Variants in FST observed in about 807,000 individuals in gnomAD.
FST encodes the protein follistatin.
A neutral mutation model predicts 38.4 loss-of-function variants in FST; 6 were observed. The observed-to-expected ratio is 0.16, with a 90% confidence interval of 0.09 to 0.31. FST has a LOEUF of 0.31. Among genes scored for constraint, FST ranks in the 10% least tolerant of loss-of-function variants. The probability of loss-of-function intolerance (pLI) is 1.00; values close to 1 mark genes in which losing one functional copy is unlikely to be tolerated. For synonymous variants in FST, 157 were observed against 169.8 expected (o/e 0.92, Z 0.59); for missense variants, 301 against 432.3 (o/e 0.70, Z 2.69).
intron 4 of FST, among the ~76,000 whole-genome samples, chr5:53,484,559 A>T (rs1747434348): frequency 6.6e-6 from 1 of 152,192 alleles, no homozygotes. Context: ...AATTTTACAC[A>T]TTTTTTTAAG....
Position 53,483,823 on chromosome 5 carries a change from C to T in FST, c.496+101C>T, listed in dbSNP as rs1747387747. ...GACCCTTGGGGGATGGTGTAGTCCG[C>T]AGTAAGAGCCTGATAATAGTAATAC... On this transcript the variant is annotated intron_variant, in intron 3 of 5. Coordinates refer to ENST00000256759, the MANE Select transcript of FST (RefSeq NM_013409.3). The surrounding 1 kb of genome is among the most constrained non-coding windows in gnomAD (Gnocchi z 4.1). The T allele has an allele frequency of 1.2e-6, 1 of 806,482 alleles. No homozygotes were observed. Among genetic ancestry groups the T allele is most frequent in the Middle Eastern group, 2.4e-4 (1 of 4,204 alleles). 50.0% of individuals were successfully genotyped at this position (806,482 alleles called of 1,614,324 possible). A position where few individuals can be genotyped will look rare whatever the true frequency, so the allele number is the denominator to read the frequency against.
At chr5:53,482,281 TTC>T (rs1474307858) in intron 1 of FST, among the ~76,000 whole-genome samples, 2 of 151,926 alleles carry the variant, frequency 1.3e-5, no homozygotes, top group Non-Finnish European at 2.9e-5. Flanking sequence ...TTTTCTTTCT[TTC>T]TCTTTCTTTT....
At chr5:53,485,633 A>G in intron 5 of FST, 2 of 1,103,506 alleles carry the variant, frequency 1.8e-6, no homozygotes, top group Non-Finnish European at 2.8e-6. Flanking sequence ...CTCTGAATTA[A>G]GGACCCAAAG....
chr5:53,483,064 C>G lies in FST; in HGVS notation c.270C>G (p.Pro90=), dbSNP rs187224046. Residue 90 remains proline (P), a synonymous_variant, in exon 2 of 6, where the codon CCC becomes CCG. Transcript: ENST00000256759. This position sits in a 1 kb window ranked among gnomAD's most constrained non-coding sequence, Gnocchi z 4.1. ...IFNGGAPNCI[P]CKETCENVDC... ...ACGGGGGCGCCCCCAACTGCATCCC[C>G]TGTAAAGGTAGGACTCCTTCTTCCC... 3.0e-5 allele frequency: 49 copies of G among 1,610,760 alleles called. No homozygotes were observed. The East Asian group carries it at 8.5e-4, about 28-fold the overall frequency.
chr5:53,483,229 C>T lies in FST; in HGVS notation c.277+158C>T, dbSNP rs1449306482. 3.3e-5 allele frequency among the ~76,000 whole-genome samples: 5 copies of T among 152,234 alleles called. No individual in the cohort carries two copies. Among genetic ancestry groups the T allele is most frequent in the Admixed American group, 2.0e-4 (3 of 15,286 alleles). On this transcript the variant is annotated intron_variant, in intron 2 of 5. Coordinates refer to ENST00000256759, the MANE Select transcript of FST (RefSeq NM_013409.3). The surrounding 1 kb of genome is among the most constrained non-coding windows in gnomAD (Gnocchi z 4.1). The stretch of plus-strand genomic sequence containing the variant: ...GTAAGCCGTGCAGACTCTAATTCTG[C>T]CTGTTACAGGCTGTAGGGAATACAC...
chr5:53,484,675 G>T (rs189773921), intron 4 of FST, among the ~76,000 whole-genome samples: 481 of 152,266 alleles, frequency 3.2e-3, no homozygotes, highest in Admixed American at 5.8e-3. Context: ...GATCCCACTT[G>T]TGGGAAATAA....
In FST at chr5:53,485,215, G is replaced by A. The variant is rs370731523; in HGVS notation, c.940G>A (p.Gly314Arg). 7 of 1,587,478 alleles carry A rather than the reference G, an allele frequency of 4.4e-6. No homozygotes were observed. The East Asian group carries it at 6.7e-5, about 15-fold the overall frequency. The change falls in exon 5 of 6, where the codon GGA becomes AGA. Residue 314 changes from glycine to arginine, a missense_variant. Coordinates refer to ENST00000256759, the MANE Select transcript of FST (RefSeq NM_013409.3). ...SGVLLEVKHS[G>R]SCNSISEDTE... ...TGTGCTACTGGAAGTAAAGCACTCC[G>A]GATCTTGCAACTGTAAGTGCGATTT...
At position 53,486,082 on chromosome 5, in the gene FST, AAAAAAAAAAAAGAAAAAG is replaced by A; in HGVS notation, c.*57_*74del. ...GACATAGCCTTTGTGCAAAAAAAAA[AAAAAAAAAAAAGAAAAAG>A]AAAAAAAGAAAAATATATTGTCCAT... is the stretch of plus-strand genomic sequence containing the variant. On this transcript the variant is annotated 3_prime_UTR_variant, in exon 6 of 6. Coordinates refer to ENST00000256759, the MANE Select transcript of FST (RefSeq NM_013409.3). 1 of 937,084 alleles carries A rather than the reference AAAAAAAAAAAAGAAAAAG, an allele frequency of 1.1e-6. No homozygotes were observed. The highest frequency in any genetic ancestry group is 1.6e-6 in the Non-Finnish European group (1 of 617,828). 58.0% of individuals were successfully genotyped at this position (937,084 alleles called of 1,614,324 possible).
intron 4 of FST, among the ~76,000 whole-genome samples, chr5:53,484,511 G>A (rs755894946): frequency 1.3e-5 from 2 of 152,192 alleles, no homozygotes; most frequent in African/African-American, 2.4e-5. Flanking sequence ...CAGGAAGCAA[G>A]GAACAGTATT....
rs576250769 is a variant in FST, at chr5:53,484,164, G to C, written c.592G>C (p.Glu198Gln). 1.2e-6 allele frequency: 2 copies of C among 1,613,198 alleles called. No homozygotes were observed. The highest frequency in any genetic ancestry group is 1.3e-5 in the African/African-American group (1 of 75,030). Residue 198 changes from glutamate (E) to glutamine (Q), a missense_variant, in exon 4 of 6, where the codon GAG becomes CAG. Glu to Gln is a conservative substitution (Grantham distance 29). Transcript: ENST00000256759. The stretch of plus-strand genomic sequence containing the variant: ...TGTGACCTGTAATCGGATTTGCCCA[G>C]AGCCTGCTTCCTCTGAGCAATATCT... ...YCVTCNRICP[E>Q]PASSEQYLCG... is the part of the protein sequence containing the mutation.
rs1561300499 is a variant in FST at position 53,486,071 on chromosome 5, GCAAAAAA to G, written c.*39_*45del. On this transcript the variant is annotated 3_prime_UTR_variant, in exon 6 of 6. Transcript: ENST00000256759. ...TGTTCAGTGTTGACATAGCCTTTGT[GCAAAAAA>G]AAAAAAAAAAAAAAAGAAAAAGAAA... The G allele has an allele frequency of 2.3e-5, 7 of 301,234 alleles. No individual in the cohort carries two copies. The highest frequency in any genetic ancestry group is 3.3e-5 in the Non-Finnish European group (6 of 183,430). The allele number at this position is 301,234 out of a possible 1,614,324, so 18.7% of individuals were successfully genotyped here.
chr5:53,485,277 C>T (rs563493450), intron 5 of FST, 50 bp downstream of exon 5: 2 of 988,366 alleles, frequency 2.0e-6, no homozygotes, highest in Non-Finnish European at 3.2e-6. Context: ...CCCAGGCAAT[C>T]CCTAGGGAAT....
At chr5:53,484,589 G>A (rs1021967638) in intron 4 of FST, among the ~76,000 whole-genome samples, 3 of 152,124 alleles carry the variant, frequency 2.0e-5, no homozygotes, top group Admixed American at 6.5e-5. Context: ...TGCTGGAAGC[G>A]AAAAATAATT....
At chr5:53,482,807 G>A (rs1747318341) in intron 1 of FST, 73 bp from the exon 2 acceptor site, 1 of 860,790 alleles carries the variant, frequency 1.2e-6, no homozygotes, top group Non-Finnish European at 1.8e-6. Flanking sequence ...TCCTTCGCTA[G>A]CCACCTCGCT....
intron 1 of FST, 63 bp from the exon 2 acceptor site, chr5:53,482,817 T>C (rs1747319080): frequency 2.0e-6 from 2 of 998,550 alleles, no homozygotes; most frequent in Non-Finnish European, 3.0e-6. Flanking sequence ...GCCACCTCGC[T>C]CTCCCTGCCC....
At position 53,483,102 on chromosome 5, in the gene FST, C is replaced by T; in HGVS notation, c.277+31C>T. 1.3e-6 allele frequency: 2 copies of T among 1,499,614 alleles called. No homozygotes were observed. Among genetic ancestry groups the T allele is most frequent in the East Asian group, 2.3e-5 (1 of 44,346 alleles). The allele number at this position is 1,499,614 out of a possible 1,614,324, so 92.9% of individuals were successfully genotyped here. On this transcript the variant is annotated intron_variant, in intron 2 of 5. Transcript: ENST00000256759. The surrounding 1 kb of genome is among the most constrained non-coding windows in gnomAD (Gnocchi z 4.1). The stretch of plus-strand genomic sequence containing the variant: ...ACTCCTTCTTCCCAACTTGCAGGCC[C>T]TCAGTAGAGGGCGTCTTACCCTTAG...
At position 53,485,112 on chromosome 5, in the gene FST, G is replaced by T. The variant is rs746847734; in HGVS notation, c.837G>T (p.Ser279=). The change falls in exon 5 of 6, where the codon TCG becomes TCT. Residue 279 remains serine, a synonymous_variant. Transcript: ENST00000256759. ...ATGAGCTGTGCCCTGACAGTAAGTCGGATGAGCCTGTCTGTGCCAGTGACA... is the reference window on the plus strand; with the variant it reads ...ATGAGCTGTGCCCTGACAGTAAGTCTGATGAGCCTGTCTGTGCCAGTGACA... The part of the protein sequence containing the change: ...LCDELCPDSK[S]DEPVCASDNA... 1 of 1,611,690 alleles carries T rather than the reference G, an allele frequency of 6.2e-7. No individual in the cohort carries two copies. Among genetic ancestry groups the T allele is most frequent in the African/African-American group, 1.3e-5 (1 of 74,972 alleles).
In FST at chr5:53,481,462, CA is replaced by C. The variant is rs70983342; in HGVS notation, c.85+610del. Among the ~76,000 whole-genome samples, 263 of 48,058 alleles carry C rather than the reference CA, an allele frequency of 5.5e-3. 2 individuals carry two copies. Among genetic ancestry groups the C allele is most frequent in the Admixed American group, 0.029 (89 of 3,076 alleles). 31.5% of individuals were successfully genotyped at this position (48,058 alleles called of 152,430 possible). ...CTTCCAACCCCATCCCCCATTCTCG[CA>C]AAAAAAAAAAAAAAAAAAAAAAAGC... On this transcript the variant is annotated intron_variant, in intron 1 of 5. Coordinates refer to ENST00000256759, the MANE Select transcript of FST (RefSeq NM_013409.3).
intron 1 of FST, among the ~76,000 whole-genome samples, chr5:53,481,928 G>A (rs1747239133): frequency 6.6e-6 from 1 of 152,210 alleles, no homozygotes; most frequent in Non-Finnish European, 1.5e-5. Flanking sequence ...TTTTAAGTAT[G>A]TTGTAAACTG....
Sources: gnomAD v4.1 joint callset for allele counts (sites outside exome capture counted in the v4.1 genomes callset) on GRCh38, gnomAD v4.1.1 for gene constraint, Gnocchi (gnomAD v3.1) non-coding constraint, MANE v1.5 for transcripts, NCBI Gene and HGNC (gene_info 2026-07-23, HGNC 2026-07-21) for gene names.